CPEB4: variants seen among roughly 807,000 people sequenced by gnomAD.
CPEB4 encodes cytoplasmic polyadenylation element-binding protein 4.
CPEB4 carries 12 observed loss-of-function variants against 72.5 expected under a neutral mutation model. The observed-to-expected ratio is 0.17, with a 90% CI of 0.11 to 0.27. The LOEUF (loss-of-function observed/expected upper bound fraction) is 0.27, where lower values mean the gene tolerates loss of function less well. Ranked by LOEUF, CPEB4 falls within the 10% of genes least tolerant of loss-of-function variation. The pLI is 1.00. For missense variants in CPEB4, 614 were observed against 908.5 expected (o/e 0.68, Z 4.17); for synonymous variants, 302 against 326.3 (o/e 0.93, Z 0.80).
intron 9 of CPEB4, among the ~76,000 whole-genome samples, chr5:173,953,609 A>G (rs1441876129): frequency 6.6e-6 from 1 of 152,180 alleles, no homozygotes; most frequent in Non-Finnish European, 1.5e-5. Context: ...TATATCAAGT[A>G]TACAAACAGG....
At chr5:173,902,969 T>C (rs1428902150) in intron 1 of CPEB4, among the ~76,000 whole-genome samples, 1 of 152,000 alleles carries the variant, frequency 6.6e-6, no homozygotes, top group African/African-American at 2.4e-5. Flanking sequence ...AGACTGTTTA[T>C]CTTGGCTTGT....
intron 2 of CPEB4, among the ~76,000 whole-genome samples, chr5:173,911,464 G>A (rs1364586569): frequency 3.3e-5 from 5 of 152,000 alleles, no homozygotes; most frequent in Admixed American, 2.6e-4. Context: ...GGGTTTCACC[G>A]TGTTAGCCAG....
chr5:173,924,756 C>A (rs576175943), intron 2 of CPEB4, among the ~76,000 whole-genome samples: 2 of 152,346 alleles, frequency 1.3e-5, no homozygotes, highest in South Asian at 4.1e-4. Flanking sequence ...ACCCATTACA[C>A]TGCATCTTCC....
Position 173,888,789 on chromosome 5 carries a change from G to A in CPEB4, c.-945G>A. On this transcript the variant is annotated 5_prime_UTR_variant, in exon 1 of 10. Transcript: ENST00000265085. This position sits in a 1 kb window ranked among gnomAD's most constrained non-coding sequence, Gnocchi z 4.3. ...AAAAAACCCCGGAGCCGCAGAGAGGGGAAGAGGCAGAAACCGCAGGACCTT... is the reference window on the plus strand; with the variant it reads ...AAAAAACCCCGGAGCCGCAGAGAGGAGAAGAGGCAGAAACCGCAGGACCTT... The A allele has an allele frequency of 2.7e-6, 1 of 364,460 alleles. No homozygotes were observed. The highest frequency in any genetic ancestry group is 4.9e-6 in the Non-Finnish European group (1 of 205,196). 22.6% of individuals were successfully genotyped at this position (364,460 alleles called of 1,614,324 possible). A position where few individuals can be genotyped will look rare whatever the true frequency, so the allele number is the denominator to read the frequency against.
At chr5:173,911,180 T>A (rs1393271042) in intron 2 of CPEB4, among the ~76,000 whole-genome samples, 2 of 152,110 alleles carry the variant, frequency 1.3e-5, no homozygotes, top group African/African-American at 4.8e-5. Flanking sequence ...CTCAATTTCT[T>A]CACCTTTATA....
intron 7 of CPEB4, 32 bp from the exon 8 acceptor site, chr5:173,951,792 G>C: frequency 7.6e-7 from 1 of 1,314,726 alleles, no homozygotes; most frequent in Non-Finnish European, 1.1e-6. Flanking sequence ...TCTGTATTGA[G>C]AATGAGACAT....
chr5:173,953,119 A>G lies in CPEB4; in HGVS notation c.1809A>G (p.Leu603=). The G allele has an allele frequency of 1.9e-6, 3 of 1,612,998 alleles. No individual in the cohort carries two copies. Among genetic ancestry groups the G allele is most frequent in the African/African-American group, 1.3e-5 (1 of 74,976 alleles). The part of the protein sequence containing the change: ...AVELAMIMDR[L]YGGVCYAGID... Reference sequence around the variant, plus strand: ...AGCTTGCGATGATAATGGATCGGCTATATGGAGGTGTGTGCTACGCTGGGA... The same window carrying G: ...AGCTTGCGATGATAATGGATCGGCTGTATGGAGGTGTGTGCTACGCTGGGA... The change falls in exon 9 of 10, where the codon CTA becomes CTG. Residue 603 remains leucine, a synonymous_variant. Coordinates refer to ENST00000265085, the MANE Select transcript of CPEB4 (RefSeq NM_030627.4).
At chr5:173,901,499 G>C (rs901330162) in intron 1 of CPEB4, among the ~76,000 whole-genome samples, 2 of 152,116 alleles carry the variant, frequency 1.3e-5, no homozygotes, top group Non-Finnish European at 2.9e-5. Flanking sequence ...TCTGATGCTC[G>C]TTGTCTTCAT....
intron 1 of CPEB4, among the ~76,000 whole-genome samples, chr5:173,903,060 GAAA>G (rs201826621): frequency 7.5e-5 from 9 of 120,798 alleles, no homozygotes; most frequent in Admixed American, 1.7e-4. Flanking sequence ...GTAGCTGAAT[GAAA>G]AAAAAAAAAA....
At position 173,889,812 on chromosome 5, in the gene CPEB4, C is replaced by T; in HGVS notation, c.79C>T (p.His27Tyr). The stretch of plus-strand genomic sequence containing the variant: ...TGCTTTTCCAGTCAGATTCCATCCA[C>T]ATCTGCAGCCTCCACACCATCACCA... ...KSAFPVRFHP[H>Y]LQPPHHHQNA... The change falls in exon 1 of 10, where the codon CAT becomes TAT. Residue 27 changes from histidine (H) to tyrosine (Y), a missense_variant. His to Tyr is a moderately conservative substitution (Grantham distance 83). This residue lies in a region of CPEB4 where 458 missense variants were observed against 548.6 expected (regional missense o/e 0.83). Transcript: ENST00000265085. 3.7e-6 allele frequency: 6 copies of T among 1,614,148 alleles called. No homozygotes were observed. Among genetic ancestry groups the T allele is most frequent in the Non-Finnish European group, 5.1e-6 (6 of 1,179,998 alleles).
At position 173,956,603 on chromosome 5, in the gene CPEB4, C is replaced by CTTTTTTTTTTTTTTTTTTTTTTTTT; in HGVS notation, c.*482_*483insTTTTTTTTTTTTTTTTTTTTTTTTT. On this transcript the variant is annotated 3_prime_UTR_variant, in exon 10 of 10. Transcript: ENST00000265085. ...GGGAAGTGCTTTTGCCTTTTCCTTT[C>CTTTTTTTTTTTTTTTTTTTTTTTTT]TTTTTTTTTTTTTTTTCATCTTTTT... is the stretch of plus-strand genomic sequence containing the variant. The CTTTTTTTTTTTTTTTTTTTTTTTTT allele has an allele frequency of 7.5e-6, 1 of 133,066 alleles. No individual in the cohort carries two copies. 8.2% of individuals were successfully genotyped at this position (133,066 alleles called of 1,614,324 possible).
In CPEB4 at chr5:173,900,809, G is replaced by A. The variant is rs532988877; in HGVS notation, c.1126-9714G>A. ...TGTTTATTGAATGAGTTCACTAACC[G>A]CCATGCTTTGTGCTCCTGCTGCCCA... On this transcript the variant is annotated intron_variant, in intron 1 of 9. Transcript: ENST00000265085. The surrounding 1 kb of genome is among the most constrained non-coding windows in gnomAD (Gnocchi z 4.4). 1.3e-3 allele frequency among the ~76,000 whole-genome samples: 195 copies of A among 152,126 alleles called. 1 individual carries two copies. Among genetic ancestry groups the A allele is most frequent in the Non-Finnish European group, 2.4e-3 (161 of 67,998 alleles).
Position 173,890,539 on chromosome 5 carries a change from A to G in CPEB4, c.806A>G (p.Asn269Ser). 6.2e-7 allele frequency: 1 copy of G among 1,614,022 alleles called. No individual in the cohort carries two copies. The highest frequency in any genetic ancestry group is 2.2e-5 in the East Asian group (1 of 44,878). Reference protein sequence around the residue: ...PPFTHRNAAFNQLPHLANNLN... With the variant: ...PPFTHRNAAFSQLPHLANNLN... ...TTCACACATAGAAATGCTGCTTTTA[A>G]CCAGCTGCCTCATTTGGCGAATAAT... Residue 269 changes from asparagine to serine, a missense_variant, in exon 1 of 10, where the codon AAC (asparagine) becomes AGC (serine). By Grantham distance (46) the Asn-to-Ser change is conservative (BLOSUM62 1). Coordinates refer to ENST00000265085, the MANE Select transcript of CPEB4 (RefSeq NM_030627.4).
At chr5:173,933,612 C>G (rs543112705) in intron 3 of CPEB4, among the ~76,000 whole-genome samples, 252 of 152,198 alleles carry the variant, frequency 1.7e-3, no homozygotes, top group Non-Finnish European at 2.9e-3. Flanking sequence ...AACCCAGTGG[C>G]GACAGTGGCA....
chr5:173,914,713 GC>G (rs1756800775), intron 2 of CPEB4, among the ~76,000 whole-genome samples: 2 of 152,146 alleles, frequency 1.3e-5, no homozygotes, highest in Non-Finnish European at 2.9e-5. Flanking sequence ...CCGAGATCGG[GC>G]CACTGCACTC....
intron 2 of CPEB4, among the ~76,000 whole-genome samples, chr5:173,915,749 G>GT (rs1756845489): frequency 6.6e-6 from 1 of 152,194 alleles, no homozygotes; most frequent in Non-Finnish European, 1.5e-5. Flanking sequence ...TGTTATGCAT[G>GT]TTTTTTCTCG....
chr5:173,890,178 A>G lies in CPEB4; in HGVS notation c.445A>G (p.Thr149Ala), dbSNP rs1441305803. The stretch of plus-strand genomic sequence containing the variant: ...GACAGGGTTTGATTATCAAGAAGCC[A>G]CTGGGCTAGGTACTTCAACCCAACC... Reference protein sequence around the residue: ...VLTGFDYQEATGLGTSTQPLT... With the variant: ...VLTGFDYQEAAGLGTSTQPLT... Residue 149 changes from threonine (T) to alanine (A), a missense_variant, in exon 1 of 10, where the codon ACT (threonine) becomes GCT (alanine). Transcript: ENST00000265085. 1.9e-6 allele frequency: 3 copies of G among 1,614,166 alleles called. No homozygotes were observed. Among genetic ancestry groups the G allele is most frequent in the South Asian group, 2.2e-5 (2 of 91,082 alleles).
chr5:173,915,954 G>A (rs1756851794), intron 2 of CPEB4, among the ~76,000 whole-genome samples: 1 of 152,158 alleles, frequency 6.6e-6, no homozygotes, highest in Non-Finnish European at 1.5e-5. Context: ...TTCTGTATGT[G>A]AAGGGAATAA....
rs1758532579 is a variant in CPEB4, at chr5:173,960,964, A to G, written c.*4827A>G. 6.6e-6 allele frequency: 1 copy of G among 152,244 alleles called. No individual in the cohort carries two copies. The highest frequency in any genetic ancestry group is 2.4e-5 in the African/African-American group (1 of 41,468). The allele number at this position is 152,244 out of a possible 1,614,324, so 9.4% of individuals were successfully genotyped here. A position where few individuals can be genotyped will look rare whatever the true frequency, so the allele number is the denominator to read the frequency against. On this transcript the variant is annotated 3_prime_UTR_variant, in exon 10 of 10. Transcript: ENST00000265085. ...TCTCAAACTTTTAACATAAGGATTT[A>G]TTATAACAAAATATAACACTGAGAA...
Sources: gnomAD v4.1 joint callset for allele counts (sites outside exome capture counted in the v4.1 genomes callset) on GRCh38, gnomAD v4.1.1 for gene constraint, gnomAD v4.1.1 regional missense constraint, Gnocchi (gnomAD v3.1) non-coding constraint, MANE v1.5 for transcripts, NCBI Gene and HGNC (gene_info 2026-07-23, HGNC 2026-07-21) for gene names.